JADE3: variants seen among roughly 807,000 people sequenced by gnomAD.
The protein encoded by JADE3 is jade family PHD finger 3, also known as protein Jade-3.
A neutral mutation model predicts 50.1 loss-of-function variants in JADE3; 2 were observed. That is an observed-to-expected ratio of 0.04 (90% CI 0.02 to 0.13). The LOEUF (loss-of-function observed/expected upper bound fraction) is 0.13. Ranked by LOEUF, JADE3 falls within the 10% of genes least tolerant of loss-of-function variation. JADE3 has a pLI of 1.00. For missense variants in JADE3, 475 were observed against 634.4 expected (o/e 0.75, Z 2.70); for synonymous variants, 218 against 232.9 (o/e 0.94, Z 0.58).
At chrX:46,979,728 ATTTC>A (rs1233657383) in intron 1 of JADE3, among the ~76,000 whole-genome samples, 3 of 110,732 alleles carry the variant, frequency 2.7e-5, no homozygotes, top group African/African-American at 6.6e-5. Context: ...TATTTTCACT[ATTTC>A]TTTATTTCAG....
intron 1 of JADE3, among the ~76,000 whole-genome samples, chrX:46,979,481 T>C (rs782392153): frequency 5.1e-4 from 57 of 111,762 alleles, no homozygotes; most frequent in Non-Finnish European, 1.0e-3. Flanking sequence ...GTTTTTTCTA[T>C]GACATTTGTT....
chrX:46,956,957 G>A (rs1467992808), intron 1 of JADE3, among the ~76,000 whole-genome samples: 1 of 108,910 alleles, frequency 9.2e-6, no homozygotes, highest in Non-Finnish European at 1.9e-5. Flanking sequence ...GAGTAGCTGG[G>A]ACCACAGATG....
intron 1 of JADE3, among the ~76,000 whole-genome samples, chrX:46,934,635 A>G (rs73630244): frequency 1.9e-4 from 20 of 106,238 alleles, no homozygotes; most frequent in African/African-American, 6.9e-4. Flanking sequence ...AGGTTTTACC[A>G]TGTTGGCCAG....
At chrX:46,979,296 A>C (rs1256391432) in intron 1 of JADE3, among the ~76,000 whole-genome samples, 2 of 112,342 alleles carry the variant, frequency 1.8e-5, no homozygotes, top group African/African-American at 6.5e-5. Flanking sequence ...AAAGAACAGA[A>C]TATTATAGAA....
intron 1 of JADE3, among the ~76,000 whole-genome samples, chrX:46,948,797 T>G (rs980785845): frequency 8.9e-6 from 1 of 111,866 alleles, no homozygotes; most frequent in Non-Finnish European, 1.9e-5. Context: ...AGAGGCCTTC[T>G]TCCTGAGTAC....
At chrX:47,008,184 A>T (rs1221556335) in intron 4 of JADE3, among the ~76,000 whole-genome samples, 2 of 111,833 alleles carry the variant, frequency 1.8e-5, no homozygotes, top group Admixed American at 1.9e-4. Flanking sequence ...TTTACAGCCA[A>T]AAAGAACTTA....
intron 1 of JADE3, among the ~76,000 whole-genome samples, chrX:46,942,866 T>C: frequency 8.9e-6 from 1 of 112,050 alleles, no homozygotes; most frequent in Non-Finnish European, 1.9e-5. Context: ...GTTTATGTCA[T>C]TGTGATTTCT....
chrX:46,954,701 T>C (rs1280703676), intron 1 of JADE3, among the ~76,000 whole-genome samples: 1 of 111,384 alleles, frequency 9.0e-6, no homozygotes, highest in Non-Finnish European at 1.9e-5. Flanking sequence ...ATTACAGGCA[T>C]GCACCACCAC....
intron 4 of JADE3, among the ~76,000 whole-genome samples, chrX:47,021,618 C>CTTTTT (rs1928795101): frequency 8.9e-6 from 1 of 111,821 alleles, no homozygotes; most frequent in Non-Finnish European, 1.9e-5. Flanking sequence ...AATTTTTGGA[C>CTTTTT]AGTCTTTTTA....
intron 1 of JADE3, among the ~76,000 whole-genome samples, chrX:46,944,989 G>T (rs983077670): frequency 9.4e-6 from 1 of 106,678 alleles, no homozygotes; most frequent in African/African-American, 3.5e-5. Flanking sequence ...GACTACAGGC[G>T]CACACCACCA....
intron 1 of JADE3, among the ~76,000 whole-genome samples, chrX:46,966,468 C>T (rs1250098771): frequency 5.4e-5 from 6 of 110,727 alleles, no homozygotes; most frequent in Non-Finnish European, 1.1e-4. Context: ...TTCAGGGAAC[C>T]ACCATCACCT....
At chrX:47,040,737 A>T (rs782359654) in intron 8 of JADE3, among the ~76,000 whole-genome samples, 28 of 111,441 alleles carry the variant, frequency 2.5e-4, no homozygotes, top group Non-Finnish European at 1.5e-4. Flanking sequence ...GGCTTTAGGG[A>T]TAATGACTCT....
chrX:46,945,682 A>T (rs916494222), intron 1 of JADE3, among the ~76,000 whole-genome samples: 3 of 111,796 alleles, frequency 2.7e-5, no homozygotes, highest in African/African-American at 9.8e-5. Flanking sequence ...AGAGCCTCTC[A>T]CTAGGATTCT....
At chrX:47,007,807 TTG>T (rs782728907) in intron 4 of JADE3, among the ~76,000 whole-genome samples, 20,988 of 70,346 alleles carry the variant, frequency 0.3, 2,851 homozygotes, top group East Asian at 0.38. Context: ...TCCTTTTATT[TTG>T]TGTGTGTGTG....
intron 1 of JADE3, among the ~76,000 whole-genome samples, chrX:46,915,839 C>T (rs912029013): frequency 4.5e-5 from 5 of 110,838 alleles, no homozygotes; most frequent in African/African-American, 1.6e-4. Context: ...AGTCAGAAGA[C>T]AGCCGACTGA....
chrX:46,949,558 C>G (rs782768111), intron 1 of JADE3, among the ~76,000 whole-genome samples: 1 of 111,817 alleles, frequency 8.9e-6, no homozygotes, highest in East Asian at 2.8e-4. Flanking sequence ...GTAGTGGTGA[C>G]TTCCTTATTT....
intron 1 of JADE3, among the ~76,000 whole-genome samples, chrX:46,934,447 T>G (rs1279653239): frequency 9.0e-6 from 1 of 110,702 alleles, no homozygotes; most frequent in Non-Finnish European, 1.9e-5. Flanking sequence ...TACAGGTGCC[T>G]GCCACCACGC....
At chrX:46,976,416 C>T (rs1244493860) in intron 1 of JADE3, among the ~76,000 whole-genome samples, 1 of 111,840 alleles carries the variant, frequency 8.9e-6, no homozygotes, top group African/African-American at 3.3e-5. Flanking sequence ...TTGTATTTTG[C>T]CTGGTTTGCA....
intron 1 of JADE3, among the ~76,000 whole-genome samples, chrX:46,971,129 TTTTGAAACGGAGTTTCA>T (rs1927474700): frequency 1.0e-5 from 1 of 99,876 alleles, no homozygotes; most frequent in African/African-American, 3.7e-5. Flanking sequence ...TTTTTTTTTT[TTTTGAAACGGAGTTTCA>T]CTATTGTTGC....
Sources: allele counts gnomAD v4.1 joint callset (sites outside exome capture counted in the v4.1 genomes callset), GRCh38; gene constraint gnomAD v4.1.1; transcripts MANE v1.5; gene names NCBI Gene and HGNC (gene_info 2026-07-23, HGNC 2026-07-21).